KCNH1: variants seen among roughly 807,000 people sequenced by gnomAD.
KCNH1 encodes the protein potassium voltage-gated channel subfamily H member 1, also known as voltage-gated delayed rectifier potassium channel KCNH1.
A neutral mutation model predicts 69.2 loss-of-function variants in KCNH1; 27 were observed. That is an observed-to-expected ratio of 0.39 (90% CI 0.29 to 0.54). The LOEUF (loss-of-function observed/expected upper bound fraction) is 0.54. KCNH1 is among the 20% of genes least tolerant of loss of function. The pLI is 0.68. For synonymous variants in KCNH1, 456 were observed against 487.7 expected (o/e 0.93, Z 0.86); for missense variants, 798 against 1,261.6 (o/e 0.63, Z 5.57).
chr1:210,806,854 T>TATATATATATATATATATATAA (rs1684591008), intron 7 of KCNH1, among the ~76,000 whole-genome samples: 1 of 122,380 alleles, frequency 8.2e-6, no homozygotes, highest in Non-Finnish European at 1.7e-5. Context: ...TATATATATA[T>TATATATATATATATATATATAA]AAATTTGCCG....
chr1:210,692,858 T>A (rs1681555088), intron 10 of KCNH1, among the ~76,000 whole-genome samples: 1 of 152,172 alleles, frequency 6.6e-6, no homozygotes, highest in Non-Finnish European at 1.5e-5. Context: ...ACCTCTGGCC[T>A]CCAGAACTGT....
At chr1:211,103,749 AT>A in intron 2 of KCNH1, 147 bp from the exon 3 acceptor site, 1 of 568,192 alleles carries the variant, frequency 1.8e-6, no homozygotes, top group Non-Finnish European at 3.1e-6. Flanking sequence ...ACTCAAAAAA[AT>A]TTACTGATTC....
At chr1:210,941,233 T>C (rs1687870255) in intron 6 of KCNH1, among the ~76,000 whole-genome samples, 1 of 152,206 alleles carries the variant, frequency 6.6e-6, no homozygotes, top group South Asian at 2.1e-4. Flanking sequence ...CCCTATGCAA[T>C]CGAATTTGGC....
rs893710166 is a variant in KCNH1, at chr1:210,726,813, G to T, written c.2113-42675C>A. ...AGAACCATGGACAGTTCCCCGGCGG[G>T]GGTGGGGTGGACTACTCTCCTCTAT... On this transcript the variant is annotated intron_variant, in intron 10 of 10. Transcript: ENST00000271751. 1.7e-4 allele frequency among the ~76,000 whole-genome samples: 25 copies of T among 150,824 alleles called. 1 individual carries two copies. In the South Asian group the frequency reaches 4.8e-3, roughly 29 times the overall value.
intron 7 of KCNH1, chr1:210,861,370 A>T: frequency 1.3e-6 from 1 of 779,994 alleles, no homozygotes; most frequent in South Asian, 1.3e-5. Context: ...CTTTCAATAA[A>T]ACTTGCTGGA....
intron 6 of KCNH1, among the ~76,000 whole-genome samples, chr1:210,959,286 AAGCTTTGTCCCAGAGGG>A (rs1688249720): frequency 6.6e-6 from 1 of 152,028 alleles, no homozygotes; most frequent in Non-Finnish European, 1.5e-5. Flanking sequence ...CCTCCTCTGG[AAGCTTTGTCCCAGAGGG>A]GCACCCGCCT....
At chr1:210,859,051 T>G (rs1452817707) in intron 7 of KCNH1, 3 of 642,452 alleles carry the variant, frequency 4.7e-6, no homozygotes, top group Middle Eastern at 4.2e-4. Flanking sequence ...TTGTTGTGAT[T>G]TTTTTTCTGT....
chr1:210,914,802 T>A (rs1276195383), intron 7 of KCNH1, among the ~76,000 whole-genome samples: 1 of 150,892 alleles, frequency 6.6e-6, no homozygotes, highest in Admixed American at 6.6e-5. Context: ...GGAGGAGGAC[T>A]GGGAAGAAAG....
At chr1:210,865,137 T>C (rs1686078576) in intron 7 of KCNH1, among the ~76,000 whole-genome samples, 1 of 152,208 alleles carries the variant, frequency 6.6e-6, no homozygotes, top group Non-Finnish European at 1.5e-5. Flanking sequence ...ACATGTGGAA[T>C]GGAAGGTAAT....
chr1:210,771,163 G>A (rs929984737), intron 10 of KCNH1, among the ~76,000 whole-genome samples: 19 of 152,192 alleles, frequency 1.2e-4, no homozygotes, highest in Admixed American at 3.3e-4. Context: ...AGGAAAAAGC[G>A]CATAGACCTT....
Position 211,100,671 on chromosome 1 carries a change from A to C in KCNH1, c.310+2825T>G, listed in dbSNP as rs1445637726. Among the ~76,000 whole-genome samples the C allele has an allele frequency of 3.3e-5, 5 of 152,184 alleles. No individual in the cohort carries two copies. The South Asian group carries it at 8.3e-4, about 25-fold the overall frequency. ...CGGCCCCTCATGTATTTATATATTT[A>C]TTTACTCCATGAGTTTGGGTGGAGC... On this transcript the variant is annotated intron_variant, in intron 3 of 10. Coordinates refer to ENST00000271751, the MANE Select transcript of KCNH1 (RefSeq NM_172362.3).
intron 4 of KCNH1, among the ~76,000 whole-genome samples, chr1:211,084,366 G>A (rs1311858036): frequency 1.0e-5 from 1 of 99,216 alleles, no homozygotes; most frequent in Non-Finnish European, 2.0e-5. Context: ...CATCAGCAAG[G>A]GCTCTGCACC....
At chr1:210,832,917 T>TATATATATATATATATATATATATAC (rs1389330212) in intron 7 of KCNH1, among the ~76,000 whole-genome samples, 2 of 128,984 alleles carry the variant, frequency 1.6e-5, no homozygotes, top group Admixed American at 7.8e-5. Context: ...CATATATATA[T>TATATATATATATATATATATATATAC]ATATACATAT....
chr1:210,888,688 A>C (rs527766450), intron 7 of KCNH1, among the ~76,000 whole-genome samples: 4 of 152,188 alleles, frequency 2.6e-5, no homozygotes. Context: ...AAGAGAGAAG[A>C]ATCAAATAGA....
intron 7 of KCNH1, among the ~76,000 whole-genome samples, chr1:210,876,957 G>A (rs906670908): frequency 6.6e-6 from 1 of 151,668 alleles, no homozygotes; most frequent in Non-Finnish European, 1.5e-5. Context: ...TCTCCACCCT[G>A]CCTACCCAAG....
In KCNH1 at chr1:210,804,094, T is replaced by TATCTGTTGGTGTTGGCATAC. The variant is rs1319536529; in HGVS notation, c.1515_1534dup (p.Tyr512CysfsTer19). 6.2e-7 allele frequency: 1 copy of TATCTGTTGGTGTTGGCATAC among 1,614,068 alleles called. No individual in the cohort carries two copies. The highest frequency in any genetic ancestry group is 8.5e-7 in the Non-Finnish European group (1 of 1,180,018). ...CCGAACACTGTTGAGCATCTCATGGTATCTGTTGGTGTTGGCATACATCTG... is the reference window on the plus strand; with the variant it reads ...CCGAACACTGTTGAGCATCTCATGGTATCTGTTGGTGTTGGCATACATCTGTTGGTGTTGGCATACATCTG... On this transcript the variant is annotated frameshift_variant, in exon 8 of 11. Transcript: ENST00000271751. LOFTEE classifies it high-confidence loss of function.
At chr1:211,044,420 TTAAAC>T (rs1467833221) in intron 5 of KCNH1, among the ~76,000 whole-genome samples, 1 of 152,128 alleles carries the variant, frequency 6.6e-6, no homozygotes, top group African/African-American at 2.4e-5. Context: ...TGGGACTTAA[TTAAAC>T]TAAAGAGCCT....
At chr1:210,788,583 G>A (rs1427914293) in intron 9 of KCNH1, among the ~76,000 whole-genome samples, 1 of 151,522 alleles carries the variant, frequency 6.6e-6, no homozygotes, top group African/African-American at 2.4e-5. Flanking sequence ...AAGAGAACTG[G>A]TCTCCGCCTC....
At chr1:211,120,104 C>T (rs2102496782) in intron 1 of KCNH1, among the ~76,000 whole-genome samples, 1 of 151,942 alleles carries the variant, frequency 6.6e-6, no homozygotes, top group Non-Finnish European at 1.5e-5. Context: ...TCTTGAATTA[C>T]TGCTAAGAAA....
Sources: allele counts gnomAD v4.1 joint callset (sites outside exome capture counted in the v4.1 genomes callset), GRCh38; gene constraint gnomAD v4.1.1; transcripts MANE v1.5; gene names NCBI Gene and HGNC (gene_info 2026-07-23, HGNC 2026-07-21).